The following TEX48 variants were observed in gnomAD, a reference collection of about 807,000 sequenced individuals.
The protein encoded by TEX48 is testis-expressed protein 48.
A neutral mutation model predicts 13.2 loss-of-function variants in TEX48; 10 were observed. The observed-to-expected ratio is 0.75, with a 90% CI of 0.47 to 1.28. TEX48 has a LOEUF of 1.28. TEX48 is among the 50% of genes most tolerant of loss of function. The probability of loss-of-function intolerance (pLI) is 0.00; values close to 1 mark genes in which losing one functional copy is unlikely to be tolerated. For missense variants in TEX48, 116 were observed against 139.4 expected (o/e 0.83, Z 0.84); for synonymous variants, 45 against 52.3 (o/e 0.86, Z 0.60).
intron 1 of TEX48, among the ~76,000 whole-genome samples, chr9:114,676,434 T>C (rs1403009782): frequency 1.3e-5 from 2 of 151,982 alleles, no homozygotes; most frequent in African/African-American, 4.8e-5. Context: ...CCTCCAAAAG[T>C]GCTGGGTTAT....
intron 1 of TEX48, among the ~76,000 whole-genome samples, chr9:114,674,622 C>T (rs1455374530): frequency 3.0e-5 from 3 of 99,920 alleles, no homozygotes; most frequent in African/African-American, 1.5e-4. Flanking sequence ...TCCTTCCTTC[C>T]TTCCTTCCTT....
At chr9:114,681,744 T>G (rs1276255198) in intron 1 of TEX48, among the ~76,000 whole-genome samples, 4 of 147,540 alleles carry the variant, frequency 2.7e-5, no homozygotes, top group African/African-American at 1.0e-4. Flanking sequence ...CCAGTGGGTA[T>G]GAACTTCAGG....
At chr9:114,668,959 C>T (rs2133756817) in intron 3 of TEX48, among the ~76,000 whole-genome samples, 1 of 152,166 alleles carries the variant, frequency 6.6e-6, no homozygotes, top group East Asian at 1.9e-4. Flanking sequence ...GCCTCAGCCC[C>T]CCGAGTAGCT....
At chr9:114,675,628 G>C (rs1331058304) in intron 1 of TEX48, among the ~76,000 whole-genome samples, 1 of 152,178 alleles carries the variant, frequency 6.6e-6, no homozygotes, top group Non-Finnish European at 1.5e-5. Context: ...TCATTGGTTT[G>C]TTTGCCTCCA....
At chr9:114,669,236 A>G (rs1260894459) in intron 3 of TEX48, among the ~76,000 whole-genome samples, 1 of 152,142 alleles carries the variant, frequency 6.6e-6, no homozygotes, top group African/African-American at 2.4e-5. Context: ...GTTTTTGAAT[A>G]ATGTAAGATT....
chr9:114,669,767 G>A (rs886099440), intron 3 of TEX48, among the ~76,000 whole-genome samples: 5 of 151,304 alleles, frequency 3.3e-5, no homozygotes, highest in African/African-American at 1.2e-4. Context: ...ATTTGTAGAG[G>A]TGGGATCTTC....
chr9:114,673,957 C>T (rs1828001404), intron 1 of TEX48, among the ~76,000 whole-genome samples: 1 of 151,932 alleles, frequency 6.6e-6, no homozygotes, highest in Admixed American at 6.6e-5. Context: ...AGGTGTGCAC[C>T]ACCACACCTG....
intron 1 of TEX48, among the ~76,000 whole-genome samples, chr9:114,678,850 A>G (rs1828128955): frequency 6.6e-6 from 1 of 151,930 alleles, no homozygotes; most frequent in Non-Finnish European, 1.5e-5. Flanking sequence ...AAAAAAAAAA[A>G]AAAAAAAAAT....
intron 1 of TEX48, among the ~76,000 whole-genome samples, chr9:114,673,867 G>A (rs928086877): frequency 1.3e-4 from 19 of 151,500 alleles, no homozygotes; most frequent in Middle Eastern, 3.4e-3. Context: ...GTACAGTGGC[G>A]TGATCACAGC....
rs997141336 is a variant in TEX48 at position 114,671,489 on chromosome 9, C to T, written c.21G>A (p.Leu7=). 5.2e-6 allele frequency: 8 copies of T among 1,534,424 alleles called. No homozygotes were observed. In the African/African-American group the frequency reaches 8.3e-5, roughly 16 times the overall value. The part of the protein sequence containing the change: MAAHQN[L]ILKIFCLCCR... ...AGCATAAACAGAAGATCTTCAAGAT[C>T]AGGTTTTGGTGGGCTGCTGTTGGAG... The change falls in exon 3 of 5, where the codon CTG becomes CTA. Residue 7 remains leucine, a synonymous_variant. Coordinates refer to ENST00000436752, the MANE Select transcript of TEX48 (RefSeq NM_001199233.2).
chr9:114,678,389 G>C (rs977241970), intron 1 of TEX48, among the ~76,000 whole-genome samples: 15 of 152,176 alleles, frequency 9.9e-5, no homozygotes, highest in Admixed American at 5.2e-4. Flanking sequence ...GGTAGATCAA[G>C]AGAGGCCGAA....
At chr9:114,667,635 A>G (rs1296053978) in intron 4 of TEX48, among the ~76,000 whole-genome samples, 2 of 152,280 alleles carry the variant, frequency 1.3e-5, no homozygotes, top group East Asian at 3.9e-4. Flanking sequence ...TGCGGTGGTT[A>G]CACCTGTAAT....
intron 1 of TEX48, among the ~76,000 whole-genome samples, chr9:114,674,851 T>TG (rs1158830958): frequency 6.6e-6 from 1 of 150,892 alleles, no homozygotes; most frequent in African/African-American, 2.4e-5. Context: ...TCTTTTTTTT[T>TG]TTTTTTTTTA....
At chr9:114,670,686 G>T (rs1487925151) in intron 3 of TEX48, among the ~76,000 whole-genome samples, 3 of 151,952 alleles carry the variant, frequency 2.0e-5, no homozygotes, top group African/African-American at 7.3e-5. Flanking sequence ...TTTAAAGGGG[G>T]GTGGCTGGTT....
intron 3 of TEX48, 100 bp from the exon 4 acceptor site, chr9:114,668,437 T>TG: frequency 9.4e-7 from 1 of 1,060,966 alleles, no homozygotes. Context: ...CACAGGCAAG[T>TG]GGGGGTTATT....
intron 1 of TEX48, among the ~76,000 whole-genome samples, chr9:114,678,629 T>C (rs1378097681): frequency 6.6e-6 from 1 of 151,974 alleles, no homozygotes; most frequent in Non-Finnish European, 1.5e-5. Flanking sequence ...ACAGGAAGAT[T>C]GCTTGAGTTT....
At chr9:114,680,353 C>CT (rs1019839274) in intron 1 of TEX48, among the ~76,000 whole-genome samples, 40 of 152,174 alleles carry the variant, frequency 2.6e-4, no homozygotes, top group African/African-American at 8.9e-4. Context: ...TCTCGAACTC[C>CT]TGACCTCAGG....
rs545369454 is a variant in TEX48 at position 114,673,198 on chromosome 9, C to T, written c.-104-1371G>A. Among the ~76,000 whole-genome samples, 9 of 152,160 alleles carry T rather than the reference C, an allele frequency of 5.9e-5. No individual in the cohort carries two copies. In the South Asian group the frequency reaches 1.9e-3, roughly 32 times the overall value. On this transcript the variant is annotated intron_variant, in intron 1 of 4. Coordinates refer to ENST00000436752, the MANE Select transcript of TEX48 (RefSeq NM_001199233.2). ...AAAACAAAAAATCACAACGACCGGG[C>T]GCGGTGGCTCATGCCTGTAATCTCA...
rs1828212996 is a variant in TEX48, at chr9:114,682,065, C to T, written c.-135G>A. Reference sequence around the variant, plus strand: ...GCTGGCAGAGTAGACAGAAGGCTGTCTGTGATGTCACAGAGCTGGGGAACC... The same window carrying T: ...GCTGGCAGAGTAGACAGAAGGCTGTTTGTGATGTCACAGAGCTGGGGAACC... On this transcript the variant is annotated 5_prime_UTR_variant, in exon 1 of 5. Transcript: ENST00000436752. The T allele has an allele frequency of 6.6e-6, 1 of 152,426 alleles. No individual in the cohort carries two copies. Among genetic ancestry groups the T allele is most frequent in the South Asian group, 2.1e-4 (1 of 4,840 alleles). 9.4% of individuals were successfully genotyped at this position (152,426 alleles called of 1,614,324 possible).
Sources: allele counts gnomAD v4.1 joint callset (sites outside exome capture counted in the v4.1 genomes callset), GRCh38; gene constraint gnomAD v4.1.1; transcripts MANE v1.5; gene names NCBI Gene and HGNC (gene_info 2026-07-23, HGNC 2026-07-21).